MAGI1: variants seen among roughly 807,000 people sequenced by gnomAD.
The protein encoded by MAGI1 is membrane-associated guanylate kinase, WW and PDZ domain-containing protein 1.
Under a neutral mutation model 139.9 loss-of-function variants are expected in MAGI1, and 58 were observed. That is an observed-to-expected ratio of 0.41 (90% CI 0.34 to 0.52). The LOEUF (loss-of-function observed/expected upper bound fraction) is 0.52, where lower values mean the gene tolerates loss of function less well. Among genes scored for constraint, MAGI1 ranks in the 20% least tolerant of loss-of-function variants. MAGI1 has a pLI of 0.12. For synonymous variants in MAGI1, 812 were observed against 737.9 expected (o/e 1.10, Z -1.63); for missense variants, 1,874 against 1,901.6 (o/e 0.99, Z 0.27).
intron 1 of MAGI1, among the ~76,000 whole-genome samples, chr3:65,645,910 T>C (rs764898011): frequency 3.6e-4 from 54 of 152,008 alleles, no homozygotes; most frequent in Non-Finnish European, 6.2e-4. Flanking sequence ...AAAAGAGATA[T>C]GCTCAAAAAC....
intron 12 of MAGI1, among the ~76,000 whole-genome samples, chr3:65,412,926 C>T (rs1160083126): frequency 1.3e-5 from 2 of 152,160 alleles, no homozygotes; most frequent in Non-Finnish European, 2.9e-5. Context: ...CTCCCCACTC[C>T]AGCAAATGGA....
chr3:65,549,572 C>T (rs971162787), intron 2 of MAGI1: 1 of 739,810 alleles, frequency 1.4e-6, no homozygotes, highest in Non-Finnish European at 1.7e-6. Flanking sequence ...GTCCCCAGCC[C>T]GCTCGGGCGG....
chr3:65,379,552 G>C lies in MAGI1; in HGVS notation c.2704C>G (p.Pro902Ala), dbSNP rs768361954. The C allele has an allele frequency of 6.2e-7, 1 of 1,608,262 alleles. No individual in the cohort carries two copies. Among genetic ancestry groups the C allele is most frequent in the South Asian group, 1.1e-5 (1 of 90,878 alleles). Residue 902 changes from proline to alanine, a missense_variant and splice_region_variant, in exon 17 of 23, where the codon CCC becomes GCC. Physicochemically the swap from Pro to Ala is conservative, Grantham distance 27. Coordinates refer to ENST00000402939, the MANE Select transcript of MAGI1 (RefSeq NM_001033057.2). The stretch of plus-strand genomic sequence containing the variant: ...GAGGGCACCTCGTTCTCGGTTTTGG[G>C]CACTGTAGCAGAGAGATGCACGCGT... The part of the protein sequence containing the change: ...TVRRKVVFAV[P>A]KTENEVPSPA...
chr3:65,649,226 C>CA, intron 1 of MAGI1, among the ~76,000 whole-genome samples: 1 of 151,976 alleles, frequency 6.6e-6, no homozygotes, highest in South Asian at 2.1e-4. Flanking sequence ...TAAAAAAATA[C>CA]AAAAAATTAG....
Position 65,941,262 on chromosome 3 carries a change from G to A in MAGI1, c.313+96734C>T, listed in dbSNP as rs188796381. Among the ~76,000 whole-genome samples the A allele has an allele frequency of 2.6e-5, 4 of 152,002 alleles. No individual in the cohort carries two copies. The East Asian group carries it at 5.8e-4, about 22-fold the overall frequency. On this transcript the variant is annotated intron_variant, in intron 1 of 22. Transcript: ENST00000402939. ...CTTGGGAGGCTGAGGCAGGAGAATAGCTTGAACCCAGGAGGTGGAGGTTGC... is the reference window on the plus strand; with the variant it reads ...CTTGGGAGGCTGAGGCAGGAGAATAACTTGAACCCAGGAGGTGGAGGTTGC...
chr3:65,692,099 A>C (rs542170772), intron 1 of MAGI1, among the ~76,000 whole-genome samples: 1 of 152,308 alleles, frequency 6.6e-6, no homozygotes, highest in South Asian at 2.1e-4. Flanking sequence ...ATAGGTATAT[A>C]AGACCTTTTT....
chr3:65,475,115 A>G (rs1180996199), intron 4 of MAGI1, among the ~76,000 whole-genome samples: 1 of 152,088 alleles, frequency 6.6e-6, no homozygotes, highest in African/African-American at 2.4e-5. Flanking sequence ...GAAAAAAAAA[A>G]GCCTAGAAAC....
intron 1 of MAGI1, among the ~76,000 whole-genome samples, chr3:65,759,933 G>A (rs2036876515): frequency 1.3e-5 from 2 of 152,234 alleles, no homozygotes; most frequent in Non-Finnish European, 1.5e-5. Context: ...TGTGTAACTA[G>A]CCCTGACTAT....
rs58391331 is a variant in MAGI1, at chr3:65,846,976, C to CAAAAAAAAAAAAAAAAA, written c.313+191003_313+191019dup. Among the ~76,000 whole-genome samples the CAAAAAAAAAAAAAAAAA allele has an allele frequency of 1.8e-3, 149 of 80,966 alleles. 6 individuals carry two copies. The highest frequency in any genetic ancestry group is 4.8e-3 in the African/African-American group (97 of 20,250). 53.1% of individuals were successfully genotyped at this position (80,966 alleles called of 152,430 possible). ...GATTACAAAGAATAGCAATGTCTTA[C>CAAAAAAAAAAAAAAAAA]AAAAAAAAAAAAAAAAAAAACCCTA... is the stretch of plus-strand genomic sequence containing the variant. On this transcript the variant is annotated intron_variant, in intron 1 of 22. Coordinates refer to ENST00000402939, the MANE Select transcript of MAGI1 (RefSeq NM_001033057.2).
chr3:65,829,441 A>G (rs1575630547), intron 1 of MAGI1, among the ~76,000 whole-genome samples: 1 of 152,248 alleles, frequency 6.6e-6, no homozygotes, highest in East Asian at 1.9e-4. Flanking sequence ...TGCTCTTCTA[A>G]AGAGGCTCAA....
At chr3:65,906,225 A>T (rs1294088626) in intron 1 of MAGI1, among the ~76,000 whole-genome samples, 1 of 152,234 alleles carries the variant, frequency 6.6e-6, no homozygotes, top group East Asian at 1.9e-4. Flanking sequence ...GATGGTCTGA[A>T]GTGAATTCAA....
intron 18 of MAGI1, among the ~76,000 whole-genome samples, chr3:65,374,565 G>A (rs756944733): frequency 1.2e-4 from 19 of 152,106 alleles, no homozygotes; most frequent in Non-Finnish European, 2.1e-4. Context: ...TGATCCACCC[G>A]CTTTGGCCTG....
At chr3:65,934,175 T>G (rs1273138510) in intron 1 of MAGI1, among the ~76,000 whole-genome samples, 1 of 151,866 alleles carries the variant, frequency 6.6e-6, no homozygotes, top group East Asian at 1.9e-4. Context: ...GAGGTGAATC[T>G]AGGTGAGACA....
chr3:65,644,562 G>C (rs915390024), intron 1 of MAGI1, among the ~76,000 whole-genome samples: 2 of 151,686 alleles, frequency 1.3e-5, no homozygotes, highest in Non-Finnish European at 2.9e-5. Flanking sequence ...CTGTTTCAAA[G>C]AAAAGAAGAG....
intron 2 of MAGI1, among the ~76,000 whole-genome samples, chr3:65,588,204 TTTCCAAGAATATAGATAGCC>T (rs1243588551): frequency 4.6e-5 from 7 of 152,184 alleles, no homozygotes; most frequent in Non-Finnish European, 8.8e-5. Flanking sequence ...GCTCCTTTAT[TTTCCAAGAATATAGATAGCC>T]TTCCAAGAAT....
intron 1 of MAGI1, among the ~76,000 whole-genome samples, chr3:65,756,542 C>T (rs1363325537): frequency 6.6e-6 from 1 of 152,126 alleles, no homozygotes. Context: ...ATATGTTCAT[C>T]CCAGCGTCTG....
chr3:65,922,072 A>G (rs917776653), intron 1 of MAGI1, among the ~76,000 whole-genome samples: 8 of 152,192 alleles, frequency 5.3e-5, no homozygotes, highest in African/African-American at 1.9e-4. Flanking sequence ...AACATGGTTT[A>G]TCTCCATCAC....
intron 2 of MAGI1, among the ~76,000 whole-genome samples, chr3:65,574,444 C>G (rs1182355979): frequency 1.7e-5 from 2 of 119,162 alleles, no homozygotes; most frequent in Non-Finnish European, 3.4e-5. Context: ...TGCATAGAAA[C>G]TAAAAAAAAA....
chr3:65,441,004 A>C (rs1446717546), intron 8 of MAGI1, among the ~76,000 whole-genome samples: 1 of 151,966 alleles, frequency 6.6e-6, no homozygotes, highest in African/African-American at 2.4e-5. Context: ...TCTGTCACCC[A>C]GGCTGGAGTG....
Sources: allele counts gnomAD v4.1 joint callset (sites outside exome capture counted in the v4.1 genomes callset), GRCh38; gene constraint gnomAD v4.1.1; transcripts MANE v1.5; gene names NCBI Gene and HGNC (gene_info 2026-07-23, HGNC 2026-07-21).